The following IMMP2L variants were observed in gnomAD, a reference collection of about 807,000 sequenced individuals.
IMMP2L encodes inner mitochondrial membrane peptidase subunit 2.
Under a neutral mutation model 19.3 loss-of-function variants are expected in IMMP2L, and 18 were observed. The observed-to-expected ratio is 0.93, with a 90% CI of 0.64 to 1.38. IMMP2L has a LOEUF of 1.38. Among genes scored for constraint, IMMP2L ranks in the 40% most tolerant of loss-of-function variants. IMMP2L has a pLI of 0.00. For synonymous variants in IMMP2L, 76 were observed against 73.0 expected, an observed-to-expected ratio of 1.04 and a Z score of -0.21; for missense variants, 233 against 218.2, an observed-to-expected ratio of 1.07 and a Z score of -0.43.
intron 3 of IMMP2L, among the ~76,000 whole-genome samples, chr7:111,346,504 C>T (rs1490314431): frequency 6.6e-6 from 1 of 152,130 alleles, no homozygotes; most frequent in Non-Finnish European, 1.5e-5. Context: ...ATGGAGCCTT[C>T]CAAATGATCC....
At chr7:110,686,578 C>G (rs1017531003) in intron 5 of IMMP2L, among the ~76,000 whole-genome samples, 2 of 151,954 alleles carry the variant, frequency 1.3e-5, no homozygotes, top group African/African-American at 4.8e-5. Flanking sequence ...AGTATCATGC[C>G]CTGGTGTCTC....
chr7:111,337,027 A>T (rs980631072), intron 3 of IMMP2L, among the ~76,000 whole-genome samples: 2 of 152,104 alleles, frequency 1.3e-5, no homozygotes, highest in Non-Finnish European at 2.9e-5. Context: ...TTTAAATTTT[A>T]ATCAAGTTAA....
chr7:111,281,681 A>G (rs917231308), intron 3 of IMMP2L, among the ~76,000 whole-genome samples: 7 of 152,164 alleles, frequency 4.6e-5, no homozygotes, highest in African/African-American at 1.7e-4. Flanking sequence ...TTATCAGAAA[A>G]TGTACCAACA....
At chr7:111,208,665 C>G (rs1586835679) in intron 3 of IMMP2L, among the ~76,000 whole-genome samples, 1 of 152,150 alleles carries the variant, frequency 6.6e-6, no homozygotes, top group African/African-American at 2.4e-5. Flanking sequence ...ATGAATGATA[C>G]ATGTGTAGGT....
chr7:111,307,379 C>A (rs1822994793), intron 3 of IMMP2L, among the ~76,000 whole-genome samples: 1 of 151,746 alleles, frequency 6.6e-6, no homozygotes, highest in Non-Finnish European at 1.5e-5. Context: ...TGGTTCCACT[C>A]CTTCTAGTTT....
At chr7:111,370,740 A>T (rs1830190747) in intron 3 of IMMP2L, among the ~76,000 whole-genome samples, 3 of 151,868 alleles carry the variant, frequency 2.0e-5, no homozygotes, top group Non-Finnish European at 4.4e-5. Flanking sequence ...ATTCCCCTAA[A>T]CCAGTTTAGT....
intron 3 of IMMP2L, among the ~76,000 whole-genome samples, chr7:111,050,884 T>G (rs1007081682): frequency 1.1e-4 from 16 of 152,214 alleles, no homozygotes; most frequent in African/African-American, 3.9e-4. Context: ...CAAACTGTTT[T>G]AGTCATCAGT....
At chr7:111,320,639 T>C (rs1824587280) in intron 3 of IMMP2L, among the ~76,000 whole-genome samples, 1 of 152,022 alleles carries the variant, frequency 6.6e-6, no homozygotes, top group Non-Finnish European at 1.5e-5. Flanking sequence ...TACCCAACAA[T>C]GCCAAACAAT....
intron 5 of IMMP2L, among the ~76,000 whole-genome samples, chr7:110,736,806 T>A (rs2130847202): frequency 6.6e-6 from 1 of 152,292 alleles, no homozygotes; most frequent in South Asian, 2.1e-4. Context: ...GCAATTTGTC[T>A]CAGGATAAAT....
intron 3 of IMMP2L, among the ~76,000 whole-genome samples, chr7:111,009,471 A>G (rs2129562990): frequency 6.6e-6 from 1 of 152,194 alleles, no homozygotes; most frequent in South Asian, 2.1e-4. Context: ...CACCTATCAT[A>G]GCCCCTCATA....
At chr7:111,328,314 C>G (rs922919484) in intron 3 of IMMP2L, among the ~76,000 whole-genome samples, 3 of 151,728 alleles carry the variant, frequency 2.0e-5, no homozygotes, top group Non-Finnish European at 4.4e-5. Flanking sequence ...AACAATATGA[C>G]TGCAATTATG....
intron 3 of IMMP2L, among the ~76,000 whole-genome samples, chr7:111,053,084 A>G (rs1793147347): frequency 6.6e-6 from 1 of 152,232 alleles, no homozygotes; most frequent in African/African-American, 2.4e-5. Context: ...AGAAGCAGAG[A>G]CCAAGGCAAG....
At chr7:111,191,639 G>A (rs967515212) in intron 3 of IMMP2L, among the ~76,000 whole-genome samples, 1 of 152,032 alleles carries the variant, frequency 6.6e-6, no homozygotes, top group Non-Finnish European at 1.5e-5. Flanking sequence ...GGCTTCTAAG[G>A]TAAGAAGATT....
At chr7:111,315,275 A>G (rs1249824714) in intron 3 of IMMP2L, among the ~76,000 whole-genome samples, 1 of 152,142 alleles carries the variant, frequency 6.6e-6, no homozygotes, top group Non-Finnish European at 1.5e-5. Context: ...TCCAAATAAC[A>G]CAGGAAACTA....
chr7:110,751,284 C>T (rs899289016), intron 5 of IMMP2L, among the ~76,000 whole-genome samples: 1 of 151,538 alleles, frequency 6.6e-6, no homozygotes, highest in Middle Eastern at 3.2e-3. Context: ...ACGGTTAGAA[C>T]CAGAAAAAAA....
At chr7:110,911,016 A>C (rs190623712) in intron 4 of IMMP2L, among the ~76,000 whole-genome samples, 1 of 152,312 alleles carries the variant, frequency 6.6e-6, no homozygotes, top group Admixed American at 6.5e-5. Context: ...AAAGAACATT[A>C]TAATTTACTC....
rs145584487 is a variant in IMMP2L at position 111,300,056 on chromosome 7, G to C, written c.239+187182C>G. ...TATTAAGACATCTATAGACATATAA[G>C]TATCTCTGACATTCTCAGTTAAGAG... On this transcript the variant is annotated intron_variant, in intron 3 of 5. Coordinates refer to ENST00000405709, the MANE Select transcript of IMMP2L (RefSeq NM_032549.4). Among the ~76,000 whole-genome samples, 82 of 152,280 alleles carry C rather than the reference G, an allele frequency of 5.4e-4. 1 individual carries two copies. Among genetic ancestry groups the C allele is most frequent in the African/African-American group, 1.7e-3 (71 of 41,568 alleles).
intron 3 of IMMP2L, among the ~76,000 whole-genome samples, chr7:111,400,983 G>A (rs1482146592): frequency 6.6e-6 from 1 of 151,678 alleles, no homozygotes; most frequent in Non-Finnish European, 1.5e-5. Context: ...GGTTTATTTT[G>A]TTGCTTTTTG....
intron 1 of IMMP2L, among the ~76,000 whole-genome samples, chr7:111,533,063 A>C (rs754548055): frequency 6.6e-6 from 1 of 152,186 alleles, no homozygotes; most frequent in Non-Finnish European, 1.5e-5. Context: ...GCATATGTTA[A>C]AAAAGAAAAA....
Sources: gnomAD v4.1 joint callset for allele counts (sites outside exome capture counted in the v4.1 genomes callset) on GRCh38, gnomAD v4.1.1 for gene constraint, MANE v1.5 for transcripts, NCBI Gene and HGNC (gene_info 2026-07-23, HGNC 2026-07-21) for gene names.